The following DTD2 variants were observed in gnomAD, a reference collection of about 807,000 sequenced individuals.
DTD2 encodes the protein D-tyrosyl-tRNA deacylase 2 (putative).
DTD2 carries 12 observed loss-of-function variants against 15.5 expected under a neutral mutation model. The ratio of observed to expected loss-of-function variants is 0.77; its 90% confidence interval spans 0.50 to 1.25. The LOEUF (loss-of-function observed/expected upper bound fraction) is 1.25, where lower values mean the gene tolerates loss of function less well. DTD2 is among the 50% of genes most tolerant of loss of function. The pLI, the probability that DTD2 is intolerant of heterozygous loss-of-function variation, is 0.00. For synonymous variants in DTD2, 59 were observed against 77.3 expected, an observed-to-expected ratio of 0.76 and a Z score of 1.24; for missense variants, 170 against 201.1, an observed-to-expected ratio of 0.85 and a Z score of 0.93.
chr14:31,448,868 CTGCT>C (rs911812940), intron 2 of DTD2, among the ~76,000 whole-genome samples: 8 of 151,986 alleles, frequency 5.3e-5, no homozygotes, highest in Non-Finnish European at 1.0e-4. Flanking sequence ...ACACCAAATT[CTGCT>C]TGCTTGCTTG....
intron 2 of DTD2, among the ~76,000 whole-genome samples, chr14:31,451,950 AT>A (rs1263803228): frequency 6.6e-6 from 1 of 152,190 alleles, no homozygotes; most frequent in Non-Finnish European, 1.5e-5. Context: ...AACCTATGTA[AT>A]TATCACATGA....
Position 31,457,451 on chromosome 14 carries a change from C to T in DTD2, c.-58G>A. 2.3e-6 allele frequency: 3 copies of T among 1,282,918 alleles called. No individual in the cohort carries two copies. Among genetic ancestry groups the T allele is most frequent in the Non-Finnish European group, 3.1e-6 (3 of 966,852 alleles). 79.5% of individuals were successfully genotyped at this position (1,282,918 alleles called of 1,614,324 possible). ...TAGGCCATGTGTCGCTGGCCCCTCC[C>T]TCGACGCGCTGGCGGGGCAGACGAG... On this transcript the variant is annotated 5_prime_UTR_variant, in exon 1 of 3. Coordinates refer to ENST00000310850, the MANE Select transcript of DTD2 (RefSeq NM_080664.3).
Position 31,448,103 on chromosome 14 carries a change from C to T in DTD2, c.*26G>A, listed in dbSNP as rs761102912. ...CTTTAGATCATTTCATACCAGAAAA[C>T]AGCTATAGAAACTAGTTTTTCATTT... On this transcript the variant is annotated 3_prime_UTR_variant, in exon 3 of 3. Coordinates refer to ENST00000310850, the MANE Select transcript of DTD2 (RefSeq NM_080664.3). The T allele has an allele frequency of 1.6e-5, 24 of 1,539,362 alleles. No homozygotes were observed. The highest frequency in any genetic ancestry group is 2.1e-5 in the Non-Finnish European group (24 of 1,134,504).
chr14:31,450,497 T>G (rs769361083), intron 2 of DTD2, among the ~76,000 whole-genome samples: 2 of 152,208 alleles, frequency 1.3e-5, no homozygotes, highest in Non-Finnish European at 2.9e-5. Context: ...TTTAACTGGT[T>G]ATTATATTCT....
At chr14:31,451,661 G>A (rs933722023) in intron 2 of DTD2, among the ~76,000 whole-genome samples, 1 of 152,102 alleles carries the variant, frequency 6.6e-6, no homozygotes, top group Admixed American at 6.5e-5. Context: ...ATTCCCTCTA[G>A]GAGTTTTAGC....
intron 1 of DTD2, 143 bp downstream of exon 1, chr14:31,457,140 G>A (rs1240760861): frequency 1.4e-6 from 1 of 724,926 alleles, no homozygotes; most frequent in East Asian, 3.0e-5. Flanking sequence ...AGGCCACCGC[G>A]GCCAGCTTCA....
chr14:31,449,780 A>G (rs902472930), intron 2 of DTD2, among the ~76,000 whole-genome samples: 1 of 152,200 alleles, frequency 6.6e-6, no homozygotes, highest in Non-Finnish European at 1.5e-5. Flanking sequence ...CCCTCAAATT[A>G]GGCATTAAAA....
chr14:31,455,163 G>A (rs2032080904), intron 1 of DTD2, among the ~76,000 whole-genome samples: 1 of 152,156 alleles, frequency 6.6e-6, no homozygotes, highest in Non-Finnish European at 1.5e-5. Context: ...TGCATAAGGA[G>A]ATGTAGCCTG....
chr14:31,456,427 A>G (rs1240689015), intron 1 of DTD2, among the ~76,000 whole-genome samples: 1 of 151,786 alleles, frequency 6.6e-6, no homozygotes, highest in Non-Finnish European at 1.5e-5. Flanking sequence ...TATAAAAAAT[A>G]AAATAAATGT....
rs1445724504 is a variant in DTD2 at position 31,446,837 on chromosome 14, T to C, written c.*1292A>G. ...TTTCAAACTATTCTTATGGGAAGCT[T>C]CCCTTTTTCTCCCTTTTACAGCAAT... On this transcript the variant is annotated 3_prime_UTR_variant, in exon 3 of 3. Transcript: ENST00000310850. 1 of 152,312 alleles carries C rather than the reference T, an allele frequency of 6.6e-6. No individual in the cohort carries two copies. The highest frequency in any genetic ancestry group is 3.4e-3 in the Middle Eastern group (1 of 294). 9.4% of individuals were successfully genotyped at this position (152,312 alleles called of 1,614,324 possible). A position where few individuals can be genotyped will look rare whatever the true frequency, so the allele number is the denominator to read the frequency against.
rs371062180 is a variant in DTD2, at chr14:31,450,374, G to A, written c.182-1920C>T. On this transcript the variant is annotated intron_variant, in intron 2 of 2. Coordinates refer to ENST00000310850, the MANE Select transcript of DTD2 (RefSeq NM_080664.3). ...ATCAAGTATCTCTAATGATGTATAG[G>A]AGATGTTAAGCTTTGACAGGTTTCT... Among the ~76,000 whole-genome samples the A allele has an allele frequency of 2.0e-5, 3 of 152,312 alleles. No individual in the cohort carries two copies. In the East Asian group the frequency reaches 5.8e-4, roughly 29 times the overall value.
At chr14:31,454,129 G>C (rs1351153292) in intron 1 of DTD2, among the ~76,000 whole-genome samples, 2 of 152,162 alleles carry the variant, frequency 1.3e-5, no homozygotes, top group East Asian at 3.8e-4. Context: ...GACTCCAGGA[G>C]CTATTAGGAA....
At chr14:31,449,284 G>T (rs150629120) in intron 2 of DTD2, among the ~76,000 whole-genome samples, 30 of 152,232 alleles carry the variant, frequency 2.0e-4, no homozygotes, top group African/African-American at 7.2e-4. Context: ...AGAGACAAAG[G>T]TTCCTGTTTC....
At chr14:31,454,232 A>G (rs2032071078) in intron 1 of DTD2, among the ~76,000 whole-genome samples, 1 of 152,238 alleles carries the variant, frequency 6.6e-6, no homozygotes. Flanking sequence ...GTATGTAAAA[A>G]TAAATTTAAG....
intron 1 of DTD2, 105 bp from the exon 2 acceptor site, chr14:31,453,449 TAA>T: frequency 1.1e-6 from 1 of 904,748 alleles, no homozygotes; most frequent in Non-Finnish European, 1.6e-6. Context: ...ACATAGAGGT[TAA>T]AAGCACAGAA....
At chr14:31,449,014 C>G (rs1417349026) in intron 2 of DTD2, among the ~76,000 whole-genome samples, 1 of 151,006 alleles carries the variant, frequency 6.6e-6, no homozygotes, top group Admixed American at 6.6e-5. Flanking sequence ...CTGCCTCAGC[C>G]TCCCAAGTAG....
In DTD2 at chr14:31,448,296, C is replaced by G; in HGVS notation, c.340G>C (p.Glu114Gln). The change falls in exon 3 of 3, where the codon GAA becomes CAA. Residue 114 changes from glutamate to glutamine, a missense_variant. Coordinates refer to ENST00000310850, the MANE Select transcript of DTD2 (RefSeq NM_080664.3). ...MQYHSNSGKE[E>Q]GFELYSQFVT... ...AATTGAGAGTAAAGTTCAAACCCTT[C>G]TTCTTTTCCAGAGTTAGAGTGATAT... is the stretch of plus-strand genomic sequence containing the variant. 1.2e-6 allele frequency: 2 copies of G among 1,614,144 alleles called. No homozygotes were observed. The highest frequency in any genetic ancestry group is 1.7e-6 in the Non-Finnish European group (2 of 1,180,026).
At chr14:31,452,445 T>A (rs1266034900) in intron 2 of DTD2, 1 of 152,268 alleles carries the variant, frequency 6.6e-6, no homozygotes, top group African/African-American at 2.4e-5. Context: ...AATCTGTAAG[T>A]CACTGAAATG....
chr14:31,451,877 G>A (rs2139361973), intron 2 of DTD2, among the ~76,000 whole-genome samples: 1 of 152,258 alleles, frequency 6.6e-6, no homozygotes, highest in African/African-American at 2.4e-5. Flanking sequence ...ATGTTTGTTT[G>A]TGGATATAAT....
Sources: allele counts gnomAD v4.1 joint callset (sites outside exome capture counted in the v4.1 genomes callset), GRCh38; gene constraint gnomAD v4.1.1; transcripts MANE v1.5; gene names NCBI Gene and HGNC (gene_info 2026-07-23, HGNC 2026-07-21).